PALM2AKAP2: variants seen among roughly 807,000 people sequenced by gnomAD.
PALM2AKAP2 encodes the protein PALM2 and AKAP2 fusion.
In PALM2AKAP2, 37 loss-of-function variants were observed where a neutral mutation model predicts 71.5. The observed-to-expected ratio is 0.52, with a 90% CI of 0.40 to 0.68. The LOEUF is 0.68. PALM2AKAP2 is among the 30% of genes least tolerant of loss of function. The pLI, the probability that PALM2AKAP2 is intolerant of heterozygous loss-of-function variation, is 0.00. For synonymous variants in PALM2AKAP2, 468 were observed against 478.8 expected (o/e 0.98, Z 0.29); for missense variants, 1,224 against 1,191.8 (o/e 1.03, Z -0.40).
intron 1 of PALM2AKAP2, among the ~76,000 whole-genome samples, chr9:109,797,735 T>C (rs1239591346): frequency 6.6e-6 from 1 of 152,194 alleles, no homozygotes; most frequent in Non-Finnish European, 1.5e-5. Flanking sequence ...AATTTCATAA[T>C]AAACAAACAA....
chr9:109,671,482 A>G (rs1827571794), intron 1 of PALM2AKAP2, among the ~76,000 whole-genome samples: 2 of 152,140 alleles, frequency 1.3e-5, no homozygotes, highest in Non-Finnish European at 2.9e-5. Flanking sequence ...TTGTACCAGT[A>G]CCATGTTGTT....
intron 1 of PALM2AKAP2, among the ~76,000 whole-genome samples, chr9:109,794,715 C>T (rs1477173862): frequency 2.6e-5 from 4 of 152,208 alleles, no homozygotes; most frequent in Non-Finnish European, 4.4e-5. Context: ...TGCCCTCTTC[C>T]ATTTCTTACT....
chr9:109,940,599 G>A (rs1470196822), intron 6 of PALM2AKAP2, among the ~76,000 whole-genome samples: 1 of 152,110 alleles, frequency 6.6e-6, no homozygotes, highest in Non-Finnish European at 1.5e-5. Context: ...AACTTATTCA[G>A]AAAGAGGTAG....
chr9:109,927,189 A>T (rs1339134165), intron 5 of PALM2AKAP2, among the ~76,000 whole-genome samples: 2 of 152,154 alleles, frequency 1.3e-5, no homozygotes, highest in East Asian at 3.9e-4. Flanking sequence ...CTGTCATACC[A>T]CATCTATTAG....
chr9:109,917,294 CTGG>C (rs1407114636), intron 3 of PALM2AKAP2, among the ~76,000 whole-genome samples: 1 of 152,138 alleles, frequency 6.6e-6, no homozygotes, highest in East Asian at 1.9e-4. Context: ...TGATTCTAGC[CTGG>C]CAAACCCCGT....
intron 1 of PALM2AKAP2, among the ~76,000 whole-genome samples, chr9:110,097,967 C>T (rs550043619): frequency 9.1e-5 from 13 of 143,556 alleles, no homozygotes; most frequent in African/African-American, 3.1e-4. Context: ...GAGACCAGCC[C>T]GGCCAACACA....
At chr9:109,967,657 G>C (rs1024111216) in intron 6 of PALM2AKAP2, among the ~76,000 whole-genome samples, 7 of 152,166 alleles carry the variant, frequency 4.6e-5, no homozygotes, top group Non-Finnish European at 8.8e-5. Flanking sequence ...TGATCTGCCC[G>C]CCTTGGCCTC....
At chr9:109,980,397 T>TGG (rs1290170852) in intron 6 of PALM2AKAP2, among the ~76,000 whole-genome samples, 1 of 152,086 alleles carries the variant, frequency 6.6e-6, no homozygotes, top group East Asian at 1.9e-4. Context: ...TCAAAGCAAA[T>TGG]GGGAGGGCCA....
intron 1 of PALM2AKAP2, among the ~76,000 whole-genome samples, chr9:109,844,961 A>ATGTG (rs1554720024): frequency 1.0e-5 from 1 of 100,398 alleles, no homozygotes; most frequent in African/African-American, 4.4e-5. Context: ...GTGTGTGTGC[A>ATGTG]TGTGCACACA....
chr9:109,852,246 T>A (rs1334586099), intron 1 of PALM2AKAP2, among the ~76,000 whole-genome samples: 1 of 152,216 alleles, frequency 6.6e-6, no homozygotes, highest in Admixed American at 6.5e-5. Flanking sequence ...TTTTCAACCC[T>A]TGATCCCATC....
At chr9:110,138,698 A>G (rs1399352314) in intron 2 of PALM2AKAP2, among the ~76,000 whole-genome samples, 159 bp downstream of exon 8, 1 of 152,222 alleles carries the variant, frequency 6.6e-6, no homozygotes, top group Non-Finnish European at 1.5e-5. Context: ...ACATGCAACA[A>G]AAGTGTCAAG....
chr9:109,951,037 G>A (rs1831626937), intron 6 of PALM2AKAP2, among the ~76,000 whole-genome samples: 1 of 152,238 alleles, frequency 6.6e-6, no homozygotes, highest in African/African-American at 2.4e-5. Context: ...GGTGGGAAGA[G>A]TTCTATTCTT....
chr9:109,720,993 G>A lies in PALM2AKAP2; in HGVS notation c.6-59495G>A, dbSNP rs1010752215. Among the ~76,000 whole-genome samples, 4 of 152,172 alleles carry A rather than the reference G, an allele frequency of 2.6e-5. No individual in the cohort carries two copies. The East Asian group carries it at 5.8e-4, about 22-fold the overall frequency. ...TACTTTAGAGCTTGCTCTCCAAGAG[G>A]GAGAGCAGAATGTAGACAGGCTCTG... On this transcript the variant is annotated intron_variant, in intron 1 of 6. Transcript: ENST00000374531.
chr9:109,920,858 C>T lies in PALM2AKAP2; in HGVS notation c.258-2877C>T, dbSNP rs140852305. On this transcript the variant is annotated intron_variant, in intron 3 of 9. Coordinates refer to the PALM2AKAP2 transcript ENST00000302798. ...AGCCCACCTGGTTGGTAGTATCATC[C>T]AGTCTACACAGGGAACCTCTAGTCC... Among the ~76,000 whole-genome samples the T allele has an allele frequency of 4.9e-3, 748 of 152,142 alleles. 5 individuals carry two copies. Among genetic ancestry groups the T allele is most frequent in the African/African-American group, 0.017 (697 of 41,504 alleles).
chr9:109,726,059 C>T (rs1828472119), intron 1 of PALM2AKAP2, among the ~76,000 whole-genome samples: 1 of 152,228 alleles, frequency 6.6e-6, no homozygotes, highest in South Asian at 2.1e-4. Context: ...ACCTTTAACA[C>T]ATTAGCCTTC....
Position 110,160,175 on chromosome 9 carries a change from C to T in PALM2AKAP2, c.2748+3678C>T, listed in dbSNP as rs577703410. ...GTTCCTCTATGAAGATATGAAGATG[C>T]AGCCCTGCACCAGCCACACATTTGG... On this transcript the variant is annotated intron_variant, in intron 3 of 3. Transcript: ENST00000374525. 3.3e-5 allele frequency among the ~76,000 whole-genome samples: 5 copies of T among 152,304 alleles called. No homozygotes were observed. The South Asian group carries it at 8.3e-4, about 25-fold the overall frequency.
exon 2 of PALM2AKAP2, chr9:110,136,599 G>A (rs746816162): frequency 2.5e-5 from 40 of 1,613,734 alleles, no homozygotes; most frequent in Non-Finnish European, 1.4e-5. Context: ...AGTAATAGCA[G>A]CCCTGACCCC....
intron 3 of PALM2AKAP2, among the ~76,000 whole-genome samples, chr9:109,910,310 G>A (rs1830539762): frequency 6.6e-6 from 1 of 152,182 alleles, no homozygotes; most frequent in African/African-American, 2.4e-5. Context: ...TGTATATGTT[G>A]TGTATGTGGA....
At chr9:109,955,546 A>T (rs1588031755) in intron 6 of PALM2AKAP2, among the ~76,000 whole-genome samples, 1 of 152,198 alleles carries the variant, frequency 6.6e-6, no homozygotes, top group African/African-American at 2.4e-5. Context: ...TACTTATTTA[A>T]ATTGAAATGT....
Sources: gnomAD v4.1 joint callset for allele counts (sites outside exome capture counted in the v4.1 genomes callset) on GRCh38, gnomAD v4.1.1 for gene constraint, MANE v1.5 for transcripts, NCBI Gene and HGNC (gene_info 2026-07-23, HGNC 2026-07-21) for gene names.